JAZF1: variants seen among roughly 807,000 people sequenced by gnomAD.
The protein encoded by JAZF1 is JAZF zinc finger 1.
Under a neutral mutation model 26.4 loss-of-function variants are expected in JAZF1, and 8 were observed. The observed-to-expected ratio is 0.30, with a 90% CI of 0.18 to 0.55. The LOEUF (loss-of-function observed/expected upper bound fraction) is 0.55, where lower values mean the gene tolerates loss of function less well. JAZF1 is among the 20% of genes least tolerant of loss of function. The pLI, the probability that JAZF1 is intolerant of heterozygous loss-of-function variation, is 0.94. For missense variants in JAZF1, 199 were observed against 322.0 expected, an observed-to-expected ratio of 0.62 and a Z score of 2.92; for synonymous variants, 126 against 122.3, an observed-to-expected ratio of 1.03 and a Z score of -0.20.
chr7:27,858,716 T>C (rs161243), intron 3 of JAZF1, among the ~76,000 whole-genome samples: 1 of 152,122 alleles, frequency 6.6e-6, no homozygotes, highest in Non-Finnish European at 1.5e-5. Flanking sequence ...TTACACCTTA[T>C]ACAAAAATTA....
chr7:27,903,061 G>C (rs1375681064), intron 2 of JAZF1, among the ~76,000 whole-genome samples: 1 of 148,304 alleles, frequency 6.7e-6, no homozygotes, highest in Non-Finnish European at 1.5e-5. Context: ...ACTTGTACTG[G>C]AAATCTTAAC....
intron 1 of JAZF1, among the ~76,000 whole-genome samples, chr7:28,027,236 A>G (rs1471088842): frequency 1.3e-5 from 2 of 152,212 alleles, no homozygotes; most frequent in African/African-American, 2.4e-5. Flanking sequence ...TGTTGCTTCC[A>G]CGGTGAAGAA....
chr7:27,893,773 C>T (rs1328025701), intron 3 of JAZF1, among the ~76,000 whole-genome samples: 1 of 152,184 alleles, frequency 6.6e-6, no homozygotes, highest in Non-Finnish European at 1.5e-5. Context: ...ACAGCACAAA[C>T]ATGCGGACCT....
At chr7:28,011,930 T>C (rs1179128378) in intron 1 of JAZF1, among the ~76,000 whole-genome samples, 1 of 152,164 alleles carries the variant, frequency 6.6e-6, no homozygotes, top group Non-Finnish European at 1.5e-5. Flanking sequence ...AAACAATAAC[T>C]GACAGTTGAG....
chr7:28,103,151 G>A (rs1784500540), intron 1 of JAZF1, among the ~76,000 whole-genome samples: 1 of 152,116 alleles, frequency 6.6e-6, no homozygotes, highest in African/African-American at 2.4e-5. Context: ...CCACCTCGGT[G>A]GTCCCTCCTT....
intron 1 of JAZF1, among the ~76,000 whole-genome samples, chr7:28,138,173 C>T (rs1782912998): frequency 1.3e-5 from 2 of 152,108 alleles, no homozygotes; most frequent in South Asian, 4.1e-4. Flanking sequence ...TATTTATTAC[C>T]AGAAGGGAAT....
intron 1 of JAZF1, among the ~76,000 whole-genome samples, chr7:28,125,915 C>T (rs1306708393): frequency 6.6e-6 from 1 of 152,144 alleles, no homozygotes; most frequent in Non-Finnish European, 1.5e-5. Flanking sequence ...AGGGCCTTGC[C>T]AACCCAAGAC....
chr7:28,050,647 G>A (rs1025259080), intron 1 of JAZF1, among the ~76,000 whole-genome samples: 1 of 152,080 alleles, frequency 6.6e-6, no homozygotes, highest in Non-Finnish European at 1.5e-5. Context: ...GATTTTCTTT[G>A]TGGCTTAGTC....
At chr7:27,994,067 C>T (rs1192982202) in intron 1 of JAZF1, among the ~76,000 whole-genome samples, 1 of 152,106 alleles carries the variant, frequency 6.6e-6, no homozygotes, top group Non-Finnish European at 1.5e-5. Context: ...ATTACCTCTC[C>T]AGACTACCTT....
chr7:27,869,257 G>A (rs181001372), intron 3 of JAZF1, among the ~76,000 whole-genome samples: 1 of 151,258 alleles, frequency 6.6e-6, no homozygotes, highest in African/African-American at 2.4e-5. Context: ...TCCCAAACAA[G>A]CGGCAACAGA....
At chr7:27,903,965 C>CAGAT (rs2128343596) in intron 2 of JAZF1, among the ~76,000 whole-genome samples, 1 of 152,304 alleles carries the variant, frequency 6.6e-6, no homozygotes, top group South Asian at 2.1e-4. Flanking sequence ...GGGGAGTTGG[C>CAGAT]AGATGGGCCC....
intron 1 of JAZF1, among the ~76,000 whole-genome samples, chr7:28,095,419 T>C (rs918820857): frequency 3.3e-5 from 5 of 152,026 alleles, no homozygotes; most frequent in African/African-American, 1.2e-4. Context: ...AAGTGCCAAG[T>C]GAAGGGGGAG....
At chr7:27,847,767 G>A (rs1037848681) in intron 3 of JAZF1, among the ~76,000 whole-genome samples, 5 of 151,938 alleles carry the variant, frequency 3.3e-5, no homozygotes, top group Admixed American at 1.3e-4. Flanking sequence ...TCGTAGGTTC[G>A]AGTGACTCTC....
At chr7:28,122,193 C>T (rs147819451) in intron 1 of JAZF1, among the ~76,000 whole-genome samples, 2 of 152,250 alleles carry the variant, frequency 1.3e-5, no homozygotes, top group African/African-American at 4.8e-5. Flanking sequence ...CATGTCTGAG[C>T]CAAAACCAAA....
At chr7:27,880,429 T>C (rs921152334) in intron 3 of JAZF1, among the ~76,000 whole-genome samples, 1 of 152,022 alleles carries the variant, frequency 6.6e-6, no homozygotes, top group Non-Finnish European at 1.5e-5. Flanking sequence ...GGTCAGGAGT[T>C]TGAGACCAGT....
At chr7:28,042,274 G>C (rs555314781) in intron 1 of JAZF1, among the ~76,000 whole-genome samples, 1 of 152,320 alleles carries the variant, frequency 6.6e-6, no homozygotes, top group East Asian at 1.9e-4. Context: ...GGGGAGGGAA[G>C]GGGAGACTAC....
intron 2 of JAZF1, among the ~76,000 whole-genome samples, chr7:27,941,885 A>G (rs1168450467): frequency 6.6e-6 from 1 of 152,168 alleles, no homozygotes; most frequent in African/African-American, 2.4e-5. Flanking sequence ...AGCTGCTGGA[A>G]AGTGGGGTAA....
chr7:28,158,314 G>A (rs773422931), intron 1 of JAZF1, among the ~76,000 whole-genome samples: 1 of 152,072 alleles, frequency 6.6e-6, no homozygotes, highest in Admixed American at 6.5e-5. Flanking sequence ...GGTAGCCAAC[G>A]TAATGGAGGC....
chr7:28,162,251 T>C (rs1296310917), intron 1 of JAZF1, among the ~76,000 whole-genome samples: 3 of 152,244 alleles, frequency 2.0e-5, no homozygotes, highest in Non-Finnish European at 2.9e-5. Context: ...TGCAGTTCCA[T>C]GTAGCCATGC....
Sources: allele counts gnomAD v4.1 joint callset (sites outside exome capture counted in the v4.1 genomes callset), GRCh38; gene constraint gnomAD v4.1.1; transcripts MANE v1.5; gene names NCBI Gene and HGNC (gene_info 2026-07-23, HGNC 2026-07-21).